Variants in CSGALNACT1 observed in about 807,000 individuals in gnomAD.
CSGALNACT1 encodes the protein chondroitin sulfate N-acetylgalactosaminyltransferase 1.
In CSGALNACT1, 52 loss-of-function variants were observed where a neutral mutation model predicts 51.0. The ratio of observed to expected loss-of-function variants is 1.02; its 90% confidence interval spans 0.82 to 1.29. CSGALNACT1 has a LOEUF of 1.29. Ranked by LOEUF, CSGALNACT1 falls within the 50% of genes most tolerant of loss-of-function variation. The pLI is 0.00. For synonymous variants in CSGALNACT1, 341 were observed against 254.4 expected (o/e 1.34, Z -3.24); for missense variants, 935 against 679.2 (o/e 1.38, Z -4.19).
At chr8:19,471,159 T>C (rs766739900) in intron 4 of CSGALNACT1, among the ~76,000 whole-genome samples, 4 of 151,812 alleles carry the variant, frequency 2.6e-5, no homozygotes, top group Non-Finnish European at 4.4e-5. Context: ...AGGTGAAGTA[T>C]GATCTTGGGG....
chr8:19,622,286 G>T (rs79861188), intron 1 of CSGALNACT1, among the ~76,000 whole-genome samples: 3,738 of 152,216 alleles, frequency 0.025, 169 homozygotes, highest in African/African-American at 0.085. Context: ...CATGTTTGAA[G>T]GTTGAGATGT....
rs184339136 is a variant in CSGALNACT1, at chr8:19,588,551, T to C, written c.-297+2609A>G. On this transcript the variant is annotated intron_variant, in intron 3 of 9. Coordinates refer to ENST00000454498, the Ensembl canonical transcript of CSGALNACT1. ...AATTGCAGTGTGCCCATGCACTCAA[T>C]AGACAAATTTACTGAGGTCCTCTTA... Among the ~76,000 whole-genome samples the C allele has an allele frequency of 5.4e-4, 83 of 152,322 alleles. No homozygotes were observed. In the South Asian group the frequency reaches 6.8e-3, roughly 13 times the overall value.
exon 10 of CSGALNACT1, chr8:19,405,401 A>T (rs550551481): frequency 4.3e-6 from 2 of 462,600 alleles, no homozygotes; most frequent in Admixed American, 4.7e-5. Flanking sequence ...GAGGAGAAAT[A>T]TGCTTGCCTT....
At chr8:19,694,224 A>C (rs1229137191) in intron 1 of CSGALNACT1, among the ~76,000 whole-genome samples, 1 of 152,210 alleles carries the variant, frequency 6.6e-6, no homozygotes, top group Non-Finnish European at 1.5e-5. Context: ...ACAAAGATAC[A>C]ACAGATGTAC....
chr8:19,492,541 T>G (rs1339463861), intron 4 of CSGALNACT1, among the ~76,000 whole-genome samples: 1 of 152,232 alleles, frequency 6.6e-6, no homozygotes, highest in Admixed American at 6.5e-5. Flanking sequence ...CTGCTGGAGC[T>G]AGCCTGCCAA....
At chr8:19,714,432 C>T (rs147649959) in intron 1 of CSGALNACT1, among the ~76,000 whole-genome samples, 78 of 152,150 alleles carry the variant, frequency 5.1e-4, no homozygotes, top group African/African-American at 1.8e-3. Flanking sequence ...TTCTCAGCCA[C>T]CATTTCTTTA....
At chr8:19,609,177 GC>G (rs1271734630) in intron 1 of CSGALNACT1, among the ~76,000 whole-genome samples, 1 of 149,394 alleles carries the variant, frequency 6.7e-6, no homozygotes, top group Non-Finnish European at 1.5e-5. Flanking sequence ...ATGGAAGGAT[GC>G]TTTTTTTTTT....
chr8:19,521,225 G>A (rs564331551), intron 3 of CSGALNACT1, among the ~76,000 whole-genome samples: 4 of 152,266 alleles, frequency 2.6e-5, no homozygotes, highest in South Asian at 4.1e-4. Context: ...AATAAGCAGT[G>A]TTGACATGAA....
At chr8:19,478,188 G>A (rs1157312337) in intron 4 of CSGALNACT1, among the ~76,000 whole-genome samples, 2 of 152,224 alleles carry the variant, frequency 1.3e-5, no homozygotes, top group African/African-American at 4.8e-5. Context: ...GCCAAGGCGG[G>A]TGGATCACGA....
chr8:19,595,180 T>G (rs960676604), intron 2 of CSGALNACT1, among the ~76,000 whole-genome samples: 6 of 152,226 alleles, frequency 3.9e-5, no homozygotes, highest in Non-Finnish European at 8.8e-5. Context: ...TAACTATCAT[T>G]AATTTTGTTA....
chr8:19,722,031 A>AT (rs201067818), intron 1 of CSGALNACT1, among the ~76,000 whole-genome samples: 1 of 151,834 alleles, frequency 6.6e-6, no homozygotes, highest in Admixed American at 6.6e-5. Flanking sequence ...TTCATATTGA[A>AT]TTTTTTTTTC....
chr8:19,499,360 C>T (rs2153982428), intron 4 of CSGALNACT1, among the ~76,000 whole-genome samples: 1 of 152,312 alleles, frequency 6.6e-6, no homozygotes, highest in Middle Eastern at 3.4e-3. Flanking sequence ...GACTGAGCCT[C>T]ACTCAGCTTT....
At position 19,730,460 on chromosome 8, in the gene CSGALNACT1, C is replaced by G. The variant is rs76674895; in HGVS notation, c.-297+27390G>C. Among the ~76,000 whole-genome samples the G allele has an allele frequency of 7.9e-3, 1,198 of 152,254 alleles. 14 individuals are homozygous for G. Among genetic ancestry groups the G allele is most frequent in the African/African-American group, 0.027 (1,129 of 41,524 alleles). Reference sequence around the variant, plus strand: ...TTGTTAAACTGGTATTATGTCCATGCTGAGGTTGGAATTATGATGTTTAAG... The same window carrying G: ...TTGTTAAACTGGTATTATGTCCATGGTGAGGTTGGAATTATGATGTTTAAG... On this transcript the variant is annotated intron_variant, in intron 1 of 1. Coordinates refer to the CSGALNACT1 transcript ENST00000517494.
chr8:19,511,288 G>C (rs2078418452), intron 3 of CSGALNACT1, among the ~76,000 whole-genome samples: 1 of 152,200 alleles, frequency 6.6e-6, no homozygotes, highest in Non-Finnish European at 1.5e-5. Context: ...GTGTCTATGG[G>C]GTCAGGAAGT....
At chr8:19,419,965 T>G (rs557568643) in intron 7 of CSGALNACT1, among the ~76,000 whole-genome samples, 2 of 152,312 alleles carry the variant, frequency 1.3e-5, no homozygotes, top group South Asian at 4.1e-4. Flanking sequence ...GCTGTACTCA[T>G]GATAGTAAAT....
chr8:19,519,899 C>T (rs1270800222), intron 3 of CSGALNACT1, among the ~76,000 whole-genome samples: 3 of 152,138 alleles, frequency 2.0e-5, no homozygotes, highest in Non-Finnish European at 2.9e-5. Flanking sequence ...ACAGTGGCCT[C>T]CTCATTCCCC....
chr8:19,591,242 A>G (rs1375549172), exon 3 of CSGALNACT1: 1 of 152,248 alleles, frequency 6.6e-6, no homozygotes, highest in Non-Finnish European at 1.5e-5. Context: ...GCAGATGGTC[A>G]GCTCCCCACA....
At position 19,599,350 on chromosome 8, in the gene CSGALNACT1, G is replaced by A. The variant is rs150487083; in HGVS notation, c.-416+2421C>T. Reference sequence around the variant, plus strand: ...GGTGGCCGTAAAAATTGTGAGCAGAGGCCAAGCATGGTGGCTCACACCTGT... The same window carrying A: ...GGTGGCCGTAAAAATTGTGAGCAGAAGCCAAGCATGGTGGCTCACACCTGT... On this transcript the variant is annotated intron_variant, in intron 2 of 9. Coordinates refer to ENST00000454498, the Ensembl canonical transcript of CSGALNACT1. Among the ~76,000 whole-genome samples the A allele has an allele frequency of 7.6e-3, 1,153 of 151,376 alleles. 16 individuals are homozygous for A. The highest frequency in any genetic ancestry group is 0.026 in the African/African-American group (1,087 of 41,138).
intron 4 of CSGALNACT1, among the ~76,000 whole-genome samples, chr8:19,495,733 C>G (rs933194650): frequency 2.0e-5 from 3 of 152,314 alleles, no homozygotes; most frequent in African/African-American, 7.2e-5. Context: ...GTGTAGCCTC[C>G]TCAGGGTTTA....
Sources: gnomAD v4.1 joint callset for allele counts (sites outside exome capture counted in the v4.1 genomes callset) on GRCh38, gnomAD v4.1.1 for gene constraint, MANE v1.5 for transcripts, NCBI Gene and HGNC (gene_info 2026-07-23, HGNC 2026-07-21) for gene names.